Variants in KSR2 observed in about 807,000 individuals in gnomAD.
The protein encoded by KSR2 is kinase suppressor of ras 2.
A neutral mutation model predicts 107.8 loss-of-function variants in KSR2; 25 were observed. The observed-to-expected ratio is 0.23, with a 90% confidence interval of 0.17 to 0.32. The LOEUF (loss-of-function observed/expected upper bound fraction) is 0.32. Among genes scored for constraint, KSR2 ranks in the 10% least tolerant of loss-of-function variants. The probability of loss-of-function intolerance (pLI) is 1.00; values close to 1 mark genes in which losing one functional copy is unlikely to be tolerated. For synonymous variants in KSR2, 480 were observed against 507.0 expected (o/e 0.95, Z 0.71); for missense variants, 887 against 1,268.9 (o/e 0.70, Z 4.57).
intron 1 of KSR2, among the ~76,000 whole-genome samples, chr12:117,936,101 A>C (rs1895828742): frequency 6.6e-6 from 1 of 151,250 alleles, no homozygotes; most frequent in South Asian, 2.1e-4. Flanking sequence ...CAGTGGTGTG[A>C]TCTCAGCTCA....
chr12:117,508,790 G>A (rs561035117), intron 14 of KSR2, among the ~76,000 whole-genome samples: 72 of 151,986 alleles, frequency 4.7e-4, no homozygotes, highest in Admixed American at 8.5e-4. Context: ...ATGGGTGGCT[G>A]GATAGGTGGT....
Position 117,933,171 on chromosome 12 carries a change from C to A in KSR2, c.180+34905G>T, listed in dbSNP as rs146661268. Among the ~76,000 whole-genome samples the A allele has an allele frequency of 2.1e-3, 314 of 152,256 alleles. 4 individuals carry two copies. The highest frequency in any genetic ancestry group is 0.017 in the Middle Eastern group (5 of 294). The stretch of plus-strand genomic sequence containing the variant: ...GATAACACATTCCACTTGTTATGAT[C>A]ACCTAGATTTGCCAGAGTTAGCAAA... On this transcript the variant is annotated intron_variant, in intron 1 of 19. Coordinates refer to ENST00000339824, the MANE Select transcript of KSR2 (RefSeq NM_173598.6).
chr12:117,531,096 A>G, intron 11 of KSR2, 83 bp from the exon 12 acceptor site: 2 of 1,140,344 alleles, frequency 1.8e-6, no homozygotes, highest in Non-Finnish European at 2.6e-6. Flanking sequence ...GCGACATGGC[A>G]GCCAATTTTT....
Position 117,718,856 on chromosome 12 carries a change from C to T in KSR2, c.986+42155G>A, listed in dbSNP as rs1275914609. On this transcript the variant is annotated intron_variant, in intron 4 of 19. Coordinates refer to ENST00000339824, the MANE Select transcript of KSR2 (RefSeq NM_173598.6). ...GTTGATCCCCGCTATGTCCCCTCTG[C>T]CATACCATCATGAACATGGAGACTC... Among the ~76,000 whole-genome samples, 5 of 152,176 alleles carry T rather than the reference C, an allele frequency of 3.3e-5. No individual in the cohort carries two copies. The East Asian group carries it at 7.7e-4, about 24-fold the overall frequency.
At chr12:117,476,721 C>G (rs1422605321) in intron 16 of KSR2, 126 bp from the exon 17 acceptor site, 11 of 1,006,716 alleles carry the variant, frequency 1.1e-5, no homozygotes, top group Non-Finnish European at 1.5e-5. Context: ...TGAGCACTGC[C>G]TGACCACCTA....
At chr12:117,824,615 G>C (rs938244420) in intron 3 of KSR2, among the ~76,000 whole-genome samples, 2 of 152,060 alleles carry the variant, frequency 1.3e-5, no homozygotes, top group South Asian at 4.1e-4. Flanking sequence ...CCAGCACTTT[G>C]GGAGGCCGAG....
chr12:117,723,475 A>T (rs987500624), intron 4 of KSR2, among the ~76,000 whole-genome samples: 3 of 152,138 alleles, frequency 2.0e-5, no homozygotes, highest in African/African-American at 7.2e-5. Flanking sequence ...AGGCTCAGAA[A>T]ATGAATGAAT....
intron 3 of KSR2, among the ~76,000 whole-genome samples, chr12:117,792,457 C>T (rs1427370010): frequency 6.6e-6 from 1 of 152,202 alleles, no homozygotes; most frequent in Non-Finnish European, 1.5e-5. Context: ...GCCTCAACAT[C>T]TTCATCTGTG....
rs867135469 is a variant in KSR2, at chr12:117,807,057, G to C, written c.473-45533C>G. The stretch of plus-strand genomic sequence containing the variant: ...GCCCCGCTCAGCGTCAGCTGGAGCA[G>C]CTGTGACACTTCCTTTTCATGGTGG... On this transcript the variant is annotated intron_variant, in intron 3 of 19. Coordinates refer to ENST00000339824, the MANE Select transcript of KSR2 (RefSeq NM_173598.6). 1.3e-5 allele frequency among the ~76,000 whole-genome samples: 2 copies of C among 152,222 alleles called. 1 individual carries two copies. Among genetic ancestry groups the C allele is most frequent in the African/African-American group, 4.8e-5 (2 of 41,462 alleles).
At chr12:117,736,322 G>A (rs1206528341) in intron 4 of KSR2, among the ~76,000 whole-genome samples, 2 of 152,090 alleles carry the variant, frequency 1.3e-5, no homozygotes, top group African/African-American at 4.8e-5. Context: ...CTCTCCTTTA[G>A]TACTTCATAA....
At chr12:117,724,586 A>T (rs1403368074) in intron 4 of KSR2, among the ~76,000 whole-genome samples, 1 of 90,812 alleles carries the variant, frequency 1.1e-5, no homozygotes. Context: ...CTGCCCCCCC[A>T]CCCCCGGCCG....
At chr12:117,917,619 TG>T (rs1895220523) in intron 1 of KSR2, among the ~76,000 whole-genome samples, 1 of 152,152 alleles carries the variant, frequency 6.6e-6, no homozygotes, top group Non-Finnish European at 1.5e-5. Flanking sequence ...CACCAGGGCA[TG>T]GGGGGTAGGG....
At position 117,465,567 on chromosome 12, in the gene KSR2, G is replaced by A. The variant is rs761608941; in HGVS notation, c.*1632C>T. On this transcript the variant is annotated 3_prime_UTR_variant, in exon 20 of 20. Transcript: ENST00000339824. Reference sequence around the variant, plus strand: ...AACCAGTCTGGGAGTCACCCAAGGTGGGGAAGAGATCCTCATAGGTCTATT... The same window carrying A: ...AACCAGTCTGGGAGTCACCCAAGGTAGGGAAGAGATCCTCATAGGTCTATT... 1 of 152,218 alleles carries A rather than the reference G, an allele frequency of 6.6e-6. No homozygotes were observed. The highest frequency in any genetic ancestry group is 1.5e-5 in the Non-Finnish European group (1 of 68,066). 9.4% of individuals were successfully genotyped at this position (152,218 alleles called of 1,614,324 possible). A position where few individuals can be genotyped will look rare whatever the true frequency, so the allele number is the denominator to read the frequency against.
intron 6 of KSR2, among the ~76,000 whole-genome samples, chr12:117,580,085 G>A (rs1188917176): frequency 6.6e-6 from 1 of 152,166 alleles, no homozygotes; most frequent in East Asian, 1.9e-4. Flanking sequence ...GCCTCAGAGT[G>A]TCAAAAGGGA....
chr12:117,670,039 C>T (rs894386662), intron 4 of KSR2, among the ~76,000 whole-genome samples: 20 of 151,548 alleles, frequency 1.3e-4, no homozygotes, highest in Admixed American at 2.0e-4. Flanking sequence ...TATTAGGAGG[C>T]GAAATTATTC....
At chr12:117,609,090 C>T (rs1045855002) in intron 5 of KSR2, among the ~76,000 whole-genome samples, 2 of 152,128 alleles carry the variant, frequency 1.3e-5, no homozygotes, top group African/African-American at 2.4e-5. Context: ...CACATCCAGG[C>T]TTGGGGAAGG....
intron 4 of KSR2, among the ~76,000 whole-genome samples, chr12:117,700,867 C>T (rs1046793404): frequency 4.6e-5 from 7 of 152,096 alleles, no homozygotes; most frequent in Non-Finnish European, 1.0e-4. Flanking sequence ...AGGGCAACAC[C>T]GAATAAATGA....
In KSR2 at chr12:117,933,591, CA is replaced by C. The variant is rs35731910; in HGVS notation, c.180+34484del. ...TGGGTGACAGAGCAAGAGTCTGTCT[CA>C]AAAAAAAAAATAAAGTATGCATTGT... On this transcript the variant is annotated intron_variant, in intron 1 of 19. Coordinates refer to ENST00000339824, the MANE Select transcript of KSR2 (RefSeq NM_173598.6). Among the ~76,000 whole-genome samples, 12 of 140,796 alleles carry C rather than the reference CA, an allele frequency of 8.5e-5. No individual in the cohort carries two copies. In the South Asian group the frequency reaches 1.4e-3, roughly 16 times the overall value. 92.4% of individuals were successfully genotyped at this position (140,796 alleles called of 152,430 possible). A position where few individuals can be genotyped will look rare whatever the true frequency, so the allele number is the denominator to read the frequency against.
chr12:117,807,563 G>A (rs1432057490), intron 3 of KSR2, among the ~76,000 whole-genome samples: 2 of 152,190 alleles, frequency 1.3e-5, no homozygotes, highest in East Asian at 3.8e-4. Flanking sequence ...AAGTCCTGCA[G>A]GAAAGAAAAC....
Sources: allele counts gnomAD v4.1 joint callset (sites outside exome capture counted in the v4.1 genomes callset), GRCh38; gene constraint gnomAD v4.1.1; transcripts MANE v1.5; gene names NCBI Gene and HGNC (gene_info 2026-07-23, HGNC 2026-07-21).